Variants in EPHA5 observed in about 807,000 individuals in gnomAD.
EPHA5 encodes ephrin type-A receptor 5.
EPHA5 carries 60 observed loss-of-function variants against 105.0 expected under a neutral mutation model. That is an observed-to-expected ratio of 0.57 (90% CI 0.46 to 0.71). The LOEUF is 0.71. EPHA5 is among the 30% of genes least tolerant of loss of function. The pLI is 0.00. For missense variants in EPHA5, 1,218 were observed against 1,274.7 expected (o/e 0.96, Z 0.68); for synonymous variants, 513 against 449.1 (o/e 1.14, Z -1.80).
In EPHA5 at chr4:65,348,079, G is replaced by A. The variant is rs1195849754; in HGVS notation, c.2570C>T (p.Pro857Leu). 6.2e-7 allele frequency: 1 copy of A among 1,608,332 alleles called. No individual in the cohort carries two copies. The highest frequency in any genetic ancestry group is 1.3e-5 in the African/African-American group (1 of 74,602). Residue 857 changes from proline (P) to leucine (L), a missense_variant, in exon 14 of 17, where the codon CCC becomes CTC. Pro to Leu is a moderately conservative substitution (Grantham distance 98). This residue lies in a region of EPHA5 where 971 missense variants were observed against 1,013.5 expected (regional missense o/e 0.96). Transcript: ENST00000613740. The stretch of plus-strand genomic sequence containing the variant: ...ATCTTGATTGGTCATCTCCCAGTAG[G>A]GTCTCTCTCCATAAGACACAACTTC... ...MWEVVSYGERPYWEMTNQDVI... is the reference protein window; with the variant it reads ...MWEVVSYGERLYWEMTNQDVI...
intron 7 of EPHA5, among the ~76,000 whole-genome samples, chr4:65,410,847 G>A (rs997325409): frequency 1.3e-5 from 2 of 152,100 alleles, no homozygotes; most frequent in African/African-American, 4.8e-5. Flanking sequence ...TTAGATAAAA[G>A]GAAGTGATGC....
At chr4:65,394,890 G>C (rs757906093) in intron 8 of EPHA5, among the ~76,000 whole-genome samples, 42 of 152,174 alleles carry the variant, frequency 2.8e-4, no homozygotes, top group Non-Finnish European at 5.3e-4. Context: ...AGGCAAAGAA[G>C]CTTCTCTGCA....
intron 8 of EPHA5, among the ~76,000 whole-genome samples, chr4:65,372,787 T>C (rs758664737): frequency 1.3e-5 from 2 of 151,826 alleles, no homozygotes; most frequent in Non-Finnish European, 2.9e-5. Flanking sequence ...TATCACTTTG[T>C]ATCTTCATAT....
intron 2 of EPHA5, among the ~76,000 whole-genome samples, chr4:65,632,258 G>A (rs933283566): frequency 6.6e-6 from 1 of 151,962 alleles, no homozygotes; most frequent in Admixed American, 6.6e-5. Flanking sequence ...TTAGTAAATT[G>A]GATCAAACTC....
chr4:65,559,894 T>G (rs1191128407), intron 3 of EPHA5, among the ~76,000 whole-genome samples: 1 of 152,188 alleles, frequency 6.6e-6, no homozygotes, highest in African/African-American at 2.4e-5. Context: ...GGTGTATGTT[T>G]TACATGAGGA....
At chr4:65,338,837 G>A (rs1199859596) in intron 14 of EPHA5, among the ~76,000 whole-genome samples, 1 of 152,022 alleles carries the variant, frequency 6.6e-6, no homozygotes, top group Non-Finnish European at 1.5e-5. Context: ...GTTGTAAAAT[G>A]ATGGAAATCT....
chr4:65,501,668 G>A lies in EPHA5; in HGVS notation c.911-6125C>T, dbSNP rs149870145. ...TCAGAGGAATCAACATCATTAAAAT[G>A]CCATACTACGCAAACCAATGTACAG... On this transcript the variant is annotated intron_variant, in intron 3 of 16. Transcript: ENST00000613740. Among the ~76,000 whole-genome samples, 1,084 of 151,720 alleles carry A rather than the reference G, an allele frequency of 7.1e-3. 15 individuals carry two copies. Among genetic ancestry groups the A allele is most frequent in the African/African-American group, 0.025 (1,046 of 41,482 alleles).
chr4:65,574,643 C>CATATAT (rs1332435521), intron 3 of EPHA5, among the ~76,000 whole-genome samples: 4 of 65,166 alleles, frequency 6.1e-5, no homozygotes, highest in Non-Finnish European at 3.5e-5. Context: ...TATATATACA[C>CATATAT]ATATATATAC....
rs539467123 is a variant in EPHA5, at chr4:65,417,459, A to C, written c.1527+2982T>G. On this transcript the variant is annotated intron_variant, in intron 6 of 16. Transcript: ENST00000613740. The stretch of plus-strand genomic sequence containing the variant: ...TGCTCAAATATTTGGCTCACACACG[A>C]TGGTCCGGGAATTAATACTTTTATT... 1.3e-3 allele frequency among the ~76,000 whole-genome samples: 193 copies of C among 152,340 alleles called. 1 individual carries two copies. Among genetic ancestry groups the C allele is most frequent in the Admixed American group, 2.9e-3 (45 of 15,296 alleles).
At chr4:65,518,743 A>C (rs986508767) in intron 3 of EPHA5, among the ~76,000 whole-genome samples, 1 of 151,906 alleles carries the variant, frequency 6.6e-6, no homozygotes, top group Non-Finnish European at 1.5e-5. Context: ...AAATAAGAGC[A>C]AAGGATACAA....
chr4:65,521,088 C>T (rs538388748), intron 3 of EPHA5, among the ~76,000 whole-genome samples: 60 of 152,064 alleles, frequency 3.9e-4, no homozygotes, highest in African/African-American at 9.2e-4. Flanking sequence ...ATGTTTATTG[C>T]GGCACTATTC....
rs750858622 is a variant in EPHA5 at position 65,404,389 on chromosome 4, A to C, written c.1778T>G (p.Val593Gly). 1.2e-6 allele frequency: 2 copies of C among 1,613,496 alleles called. No individual in the cohort carries two copies. Among genetic ancestry groups the C allele is most frequent in the Non-Finnish European group, 1.7e-6 (2 of 1,179,636 alleles). Residue 593 changes from valine to glycine, a missense_variant, in exon 8 of 17, where the codon GTC (valine) becomes GGC (glycine). Physicochemically the swap from Val to Gly is moderately radical, Grantham distance 109. Transcript: ENST00000613740. The stretch of plus-strand genomic sequence containing the variant: ...CCTCTCTTACCTTCCACTGAGGAGG[A>C]CGCCGATAACCACTGCCAACAAAAT... ...GVILLAVVIG[V>G]LLSGRRCGYS...
At chr4:65,404,975 A>C (rs904564092) in intron 7 of EPHA5, among the ~76,000 whole-genome samples, 2 of 152,188 alleles carry the variant, frequency 1.3e-5, no homozygotes, top group East Asian at 3.8e-4. Flanking sequence ...GACCTCATTG[A>C]AGTAAAATAT....
At chr4:65,463,869 A>G (rs1227860260) in intron 5 of EPHA5, among the ~76,000 whole-genome samples, 1 of 152,086 alleles carries the variant, frequency 6.6e-6, no homozygotes, top group Non-Finnish European at 1.5e-5. Flanking sequence ...TTTTAAAACT[A>G]TAGTCAAAAC....
intron 11 of EPHA5, among the ~76,000 whole-genome samples, chr4:65,363,694 T>A (rs565603175): frequency 6.6e-6 from 1 of 151,574 alleles, no homozygotes; most frequent in Non-Finnish European, 1.5e-5. Flanking sequence ...ATGTTTTATA[T>A]TAGATAATAC....
chr4:65,641,424 G>A (rs1747656894), intron 2 of EPHA5, among the ~76,000 whole-genome samples: 1 of 151,336 alleles, frequency 6.6e-6, no homozygotes, highest in Non-Finnish European at 1.5e-5. Context: ...AAAAAAAATT[G>A]GAGTTCATTA....
chr4:65,333,462 C>T (rs1212249483), intron 15 of EPHA5, among the ~76,000 whole-genome samples: 2 of 151,432 alleles, frequency 1.3e-5, no homozygotes, highest in Non-Finnish European at 2.9e-5. Context: ...CCACCTCCCA[C>T]CTTACTCTTG....
intron 8 of EPHA5, among the ~76,000 whole-genome samples, 191 bp downstream of exon 8, chr4:65,404,183 G>A (rs1722129288): frequency 6.6e-6 from 1 of 152,090 alleles, no homozygotes; most frequent in Non-Finnish European, 1.5e-5. Context: ...CCTAAAAAGA[G>A]AAATTGTGGG....
At chr4:65,499,112 T>C (rs1732235422) in intron 3 of EPHA5, among the ~76,000 whole-genome samples, 1 of 151,598 alleles carries the variant, frequency 6.6e-6, no homozygotes, top group Non-Finnish European at 1.5e-5. Context: ...TCTGTTACTA[T>C]CAGCTGATAC....
Sources: allele counts gnomAD v4.1 joint callset (sites outside exome capture counted in the v4.1 genomes callset), GRCh38; gene constraint gnomAD v4.1.1; regional missense constraint gnomAD v4.1.1; transcripts MANE v1.5; gene names NCBI Gene and HGNC (gene_info 2026-07-23, HGNC 2026-07-21).